Variants in SGCD observed in about 807,000 individuals in gnomAD.
SGCD encodes the protein delta-sarcoglycan.
SGCD carries 18 observed loss-of-function variants against 36.6 expected under a neutral mutation model. The observed-to-expected ratio is 0.49, with a 90% CI of 0.34 to 0.73. The LOEUF is 0.73. SGCD is among the 30% of genes least tolerant of loss of function. SGCD has a pLI of 0.01. For synonymous variants in SGCD, 133 were observed against 130.6 expected (o/e 1.02, Z -0.12); for missense variants, 387 against 346.7 (o/e 1.12, Z -0.92).
the SGCD span, among the ~76,000 whole-genome samples, chr5:155,855,935 C>T: frequency 7.9e-5 from 12 of 151,500 alleles, no homozygotes; most frequent in Admixed American, 6.6e-5. Context: ...GTTAAGGAAA[C>T]GATAGGAAAA....
intron 3 of SGCD, among the ~76,000 whole-genome samples, chr5:156,439,236 G>A (rs186724954): frequency 4.6e-5 from 7 of 152,262 alleles, no homozygotes; most frequent in Admixed American, 3.9e-4. Flanking sequence ...AGGAAACTGA[G>A]TTTCAGGGAG....
At chr5:156,428,014 T>G (rs746758007) in intron 3 of SGCD, among the ~76,000 whole-genome samples, 2 of 152,082 alleles carry the variant, frequency 1.3e-5, no homozygotes, top group Admixed American at 1.3e-4. Flanking sequence ...GTTATGTCCT[T>G]TCCTGGTTTT....
At chr5:156,218,987 A>G (rs944394805) in intron 3 of SGCD, among the ~76,000 whole-genome samples, 1 of 152,090 alleles carries the variant, frequency 6.6e-6, no homozygotes, top group Non-Finnish European at 1.5e-5. Flanking sequence ...CTGTCTTGTC[A>G]TTATCTGGTA....
chr5:156,615,730 G>A (rs1270407130), intron 6 of SGCD, among the ~76,000 whole-genome samples: 1 of 152,156 alleles, frequency 6.6e-6, no homozygotes, highest in Non-Finnish European at 1.5e-5. Context: ...GTCTAATCAG[G>A]GAGATAGATA....
chr5:156,550,944 T>G (rs1758769088), intron 4 of SGCD, among the ~76,000 whole-genome samples: 1 of 152,366 alleles, frequency 6.6e-6, no homozygotes, highest in Non-Finnish European at 1.5e-5. Context: ...CTTTCATTTT[T>G]CAAGACAGAC....
chr5:155,899,388 C>A (rs1050756657), intron 1 of SGCD, among the ~76,000 whole-genome samples: 1 of 152,034 alleles, frequency 6.6e-6, no homozygotes, highest in Non-Finnish European at 1.5e-5. Context: ...TAGCTCTAAC[C>A]CTGGGCCTTT....
intron 3 of SGCD, among the ~76,000 whole-genome samples, chr5:156,318,385 A>G (rs1406071363): frequency 2.6e-5 from 4 of 152,198 alleles, no homozygotes; most frequent in Non-Finnish European, 4.4e-5. Context: ...TACTAGAGAC[A>G]GTGAAAGTCC....
upstream of SGCD, among the ~76,000 whole-genome samples, chr5:155,868,056 C>A (rs896659156): frequency 2.1e-5 from 3 of 145,918 alleles, no homozygotes; most frequent in African/African-American, 7.5e-5. Context: ...TGAAGATGAT[C>A]TTTTTTTTTT....
At chr5:155,887,227 G>C (rs1756025788) in intron 1 of SGCD, among the ~76,000 whole-genome samples, 1 of 152,108 alleles carries the variant, frequency 6.6e-6, no homozygotes, top group Non-Finnish European at 1.5e-5. Context: ...TTTTCTCTCT[G>C]GAGTACTTTT....
intron 3 of SGCD, among the ~76,000 whole-genome samples, chr5:156,378,604 A>C (rs1404115503): frequency 6.6e-6 from 1 of 152,152 alleles, no homozygotes; most frequent in African/African-American, 2.4e-5. Context: ...AGCTCCCAGT[A>C]TGTTTACTTT....
intron 3 of SGCD, among the ~76,000 whole-genome samples, chr5:156,480,900 T>C (rs1755393987): frequency 6.6e-6 from 1 of 152,202 alleles, no homozygotes; most frequent in South Asian, 2.1e-4. Context: ...CAGAATACTA[T>C]GTAAAAGGTC....
intron 1 of SGCD, among the ~76,000 whole-genome samples, chr5:155,938,132 G>T (rs972589311): frequency 2.3e-4 from 35 of 152,178 alleles, no homozygotes; most frequent in African/African-American, 8.4e-4. Context: ...TGTTGGCCCA[G>T]GGGGTGCTTT....
intron 3 of SGCD, among the ~76,000 whole-genome samples, chr5:156,270,610 T>C (rs560681093): frequency 3.3e-5 from 5 of 152,264 alleles, no homozygotes; most frequent in African/African-American, 7.2e-5. Context: ...CAGAATAGGA[T>C]TGGGACTTCA....
At chr5:156,207,765 A>G (rs1445921999) in intron 3 of SGCD, among the ~76,000 whole-genome samples, 1 of 152,158 alleles carries the variant, frequency 6.6e-6, no homozygotes, top group African/African-American at 2.4e-5. Flanking sequence ...AGCCAGAGGC[A>G]GAAAGAAAAC....
At chr5:156,517,441 T>G (rs1757224059) in intron 4 of SGCD, among the ~76,000 whole-genome samples, 2 of 151,962 alleles carry the variant, frequency 1.3e-5, no homozygotes, top group Non-Finnish European at 2.9e-5. Flanking sequence ...CAGGAGAACT[T>G]CCCCAACCTA....
intron 2 of SGCD, among the ~76,000 whole-genome samples, chr5:156,335,790 C>T (rs1768323504): frequency 6.6e-6 from 1 of 152,176 alleles, no homozygotes; most frequent in Non-Finnish European, 1.5e-5. Context: ...TCTCAAGCCA[C>T]AGAGAATCCT....
chr5:156,147,366 C>T (rs1281304990), intron 3 of SGCD, among the ~76,000 whole-genome samples: 5 of 152,178 alleles, frequency 3.3e-5, no homozygotes, highest in Admixed American at 6.5e-5. Flanking sequence ...CTCTTGATTA[C>T]CAGTTTTACA....
At chr5:156,302,905 G>T (rs1435331139) in intron 3 of SGCD, among the ~76,000 whole-genome samples, 1 of 152,206 alleles carries the variant, frequency 6.6e-6, no homozygotes. Context: ...CTGGGATTGT[G>T]CTGGGTCAGA....
chr5:156,708,021 C>T (rs1754816273), intron 7 of SGCD, among the ~76,000 whole-genome samples: 1 of 152,016 alleles, frequency 6.6e-6, no homozygotes, highest in Non-Finnish European at 1.5e-5. Context: ...TTGAATTCTA[C>T]CATCCTGATC....
Sources: allele counts gnomAD v4.1 joint callset (sites outside exome capture counted in the v4.1 genomes callset), GRCh38; gene constraint gnomAD v4.1.1; transcripts MANE v1.5; gene names NCBI Gene and HGNC (gene_info 2026-07-23, HGNC 2026-07-21).